FAM184B: variants seen among roughly 807,000 people sequenced by gnomAD.
FAM184B encodes the protein protein FAM184B.
Under a neutral mutation model 135.9 loss-of-function variants are expected in FAM184B, and 111 were observed. The ratio of observed to expected loss-of-function variants is 0.82; its 90% CI spans 0.70 to 0.96. The LOEUF (loss-of-function observed/expected upper bound fraction) is 0.96. FAM184B is among the 40% of genes least tolerant of loss of function. FAM184B has a pLI of 0.00. For missense variants in FAM184B, 1,375 were observed against 1,323.9 expected, an observed-to-expected ratio of 1.04 and a Z score of -0.60; for synonymous variants, 552 against 524.8, an observed-to-expected ratio of 1.05 and a Z score of -0.71.
At chr4:17,640,167 G>C (rs557787669) in intron 13 of FAM184B, among the ~76,000 whole-genome samples, 1 of 151,276 alleles carries the variant, frequency 6.6e-6, no homozygotes, top group Non-Finnish European at 1.5e-5. Context: ...TTTATCAAAA[G>C]AAGTGGTTAT....
rs1264564928 is a variant in FAM184B, at chr4:17,630,551, G to GT, written c.*1980dup. On this transcript the variant is annotated 3_prime_UTR_variant, in exon 18 of 18. Transcript: ENST00000265018. ...GGACTGTGAGTGACATATTTCTATT[G>GT]TTTATAAATTATCCAGTATAAGTAA... 4 of 152,120 alleles carry GT rather than the reference G, an allele frequency of 2.6e-5. No homozygotes were observed. The highest frequency in any genetic ancestry group is 4.8e-5 in the African/African-American group (2 of 41,412). The allele number at this position is 152,120 out of a possible 1,614,324, so 9.4% of individuals were successfully genotyped here.
chr4:17,770,873 G>A (rs895361448), intron 1 of FAM184B, among the ~76,000 whole-genome samples: 1 of 152,196 alleles, frequency 6.6e-6, no homozygotes, highest in African/African-American at 2.4e-5. Flanking sequence ...CCCAAAAAGT[G>A]TACAATTCAA....
chr4:17,724,838 TCATTTCCTCCAGAC>T (rs1717607041), intron 1 of FAM184B, among the ~76,000 whole-genome samples: 1 of 152,204 alleles, frequency 6.6e-6, no homozygotes, highest in South Asian at 2.1e-4. Context: ...ATTTCTGGAA[TCATTTCCTCCAGAC>T]CACCCTTCGT....
At chr4:17,683,083 C>A (rs970181514) in intron 7 of FAM184B, among the ~76,000 whole-genome samples, 6 of 152,218 alleles carry the variant, frequency 3.9e-5, no homozygotes, top group African/African-American at 1.4e-4. Context: ...CTGCTCACAC[C>A]TCATCTAGAC....
At chr4:17,720,601 C>T (rs1052729646) in intron 1 of FAM184B, among the ~76,000 whole-genome samples, 2 of 151,994 alleles carry the variant, frequency 1.3e-5, no homozygotes, top group Non-Finnish European at 2.9e-5. Context: ...AAAAATTAAA[C>T]ATAGGGCGAG....
intron 7 of FAM184B, among the ~76,000 whole-genome samples, chr4:17,677,205 G>A (rs373641347): frequency 4.6e-5 from 7 of 152,098 alleles, no homozygotes; most frequent in African/African-American, 9.6e-5. Flanking sequence ...ACACCACCAC[G>A]CCCTTCTAAT....
intron 7 of FAM184B, among the ~76,000 whole-genome samples, chr4:17,676,051 CTG>C (rs1716303261): frequency 6.6e-6 from 1 of 152,232 alleles, no homozygotes; most frequent in East Asian, 1.9e-4. Context: ...ACTTGGCTAA[CTG>C]TTCAGCACAA....
At chr4:17,725,084 G>T (rs1444326207) in intron 1 of FAM184B, among the ~76,000 whole-genome samples, 2 of 152,158 alleles carry the variant, frequency 1.3e-5, no homozygotes, top group African/African-American at 2.4e-5. Flanking sequence ...GTGAGGCAGG[G>T]TCATGACTTC....
chr4:17,652,181 G>A (rs1476017572), intron 11 of FAM184B, among the ~76,000 whole-genome samples: 1 of 136,698 alleles, frequency 7.3e-6, no homozygotes, highest in Non-Finnish European at 1.5e-5. Context: ...CTGGAGTGCA[G>A]TGGCGCCATC....
chr4:17,676,963 T>G (rs901483226), intron 7 of FAM184B, among the ~76,000 whole-genome samples: 11 of 152,190 alleles, frequency 7.2e-5, no homozygotes, highest in Non-Finnish European at 1.3e-4. Context: ...AACCCATTTC[T>G]CAGAATGTAT....
At chr4:17,725,259 G>A (rs1294216288) in intron 1 of FAM184B, among the ~76,000 whole-genome samples, 1 of 152,134 alleles carries the variant, frequency 6.6e-6, no homozygotes, top group Non-Finnish European at 1.5e-5. Context: ...GTGAATGAGT[G>A]AATAAATGGT....
At chr4:17,685,611 G>C (rs1334285151) in intron 7 of FAM184B, among the ~76,000 whole-genome samples, 1 of 150,598 alleles carries the variant, frequency 6.6e-6, no homozygotes, top group Non-Finnish European at 1.5e-5. Context: ...ACCAACCCAT[G>C]GTTCCCAACA....
chr4:17,703,422 CAGG>C (rs1717033021), intron 5 of FAM184B, among the ~76,000 whole-genome samples: 1 of 151,480 alleles, frequency 6.6e-6, no homozygotes, highest in African/African-American at 2.4e-5. Flanking sequence ...CCCTTGAGCC[CAGG>C]AGGTTGAGGC....
intron 1 of FAM184B, among the ~76,000 whole-genome samples, chr4:17,747,334 G>A (rs1222291162): frequency 6.6e-6 from 1 of 152,082 alleles, no homozygotes; most frequent in Non-Finnish European, 1.5e-5. Flanking sequence ...GTGTGGGGTT[G>A]GCCAGCGAGG....
intron 6 of FAM184B, among the ~76,000 whole-genome samples, chr4:17,691,207 G>T (rs535487534): frequency 4.6e-5 from 7 of 152,318 alleles, no homozygotes; most frequent in Non-Finnish European, 7.3e-5. Flanking sequence ...CTACTTGTTA[G>T]CTATGCAATG....
In FAM184B at chr4:17,707,772, G is replaced by A; in HGVS notation, c.907C>T (p.Gln303Ter). The change falls in exon 3 of 18, where the codon CAG becomes TAG. Residue 303 changes from glutamine (Q) to a stop codon, truncating the protein, a stop_gained. Transcript: ENST00000265018. LOFTEE classifies it high-confidence loss of function. ...TTCTCCTGTCGAGCCTCCTTAAGCT[G>A]CACATCCAGGTCCTAAACAGACAGG... ...LKERIQDLDV[Q>*]LKEARQENSE... 1 of 1,551,966 alleles carries A rather than the reference G, an allele frequency of 6.4e-7. No homozygotes were observed. Among genetic ancestry groups the A allele is most frequent in the Non-Finnish European group, 8.7e-7 (1 of 1,147,044 alleles).
At chr4:17,672,385 A>G (rs1333780562) in intron 7 of FAM184B, among the ~76,000 whole-genome samples, 2 of 152,196 alleles carry the variant, frequency 1.3e-5, no homozygotes, top group East Asian at 3.9e-4. Flanking sequence ...TGCTCTGGTT[A>G]GGACTTCTAG....
At chr4:17,757,707 T>G (rs1718453434) in intron 1 of FAM184B, among the ~76,000 whole-genome samples, 1 of 148,854 alleles carries the variant, frequency 6.7e-6, no homozygotes, top group African/African-American at 2.6e-5. Context: ...TACCGTATAC[T>G]TTCTAATGTT....
chr4:17,699,837 T>G (rs2108961638), intron 5 of FAM184B, among the ~76,000 whole-genome samples: 1 of 152,262 alleles, frequency 6.6e-6, no homozygotes, highest in East Asian at 1.9e-4. Context: ...GTTGTCCGTT[T>G]AAGCAAATAT....
Sources: gnomAD v4.1 joint callset for allele counts (sites outside exome capture counted in the v4.1 genomes callset) on GRCh38, gnomAD v4.1.1 for gene constraint, MANE v1.5 for transcripts, NCBI Gene and HGNC (gene_info 2026-07-23, HGNC 2026-07-21) for gene names.